Variants in LRRTM3 observed in about 807,000 individuals in gnomAD.
The protein encoded by LRRTM3 is leucine rich repeat transmembrane neuronal 3, also known as leucine-rich repeat transmembrane neuronal protein 3.
Under a neutral mutation model 44.7 loss-of-function variants are expected in LRRTM3, and 24 were observed. The observed-to-expected ratio is 0.54, with a 90% CI of 0.39 to 0.76. The LOEUF is 0.76. LRRTM3 is among the 30% of genes least tolerant of loss of function. LRRTM3 has a pLI of 0.00. For synonymous variants in LRRTM3, 277 were observed against 278.7 expected (o/e 0.99, Z 0.06); for missense variants, 587 against 702.2 (o/e 0.84, Z 1.85).
chr10:67,013,239 TATTA>T (rs1852451327), intron 2 of LRRTM3, among the ~76,000 whole-genome samples: 1 of 151,550 alleles, frequency 6.6e-6, no homozygotes, highest in Admixed American at 6.6e-5. Flanking sequence ...CTTAATACTC[TATTA>T]AGTTGCCTCT....
At chr10:66,970,812 A>G (rs1390581894) in intron 2 of LRRTM3, among the ~76,000 whole-genome samples, 1 of 152,164 alleles carries the variant, frequency 6.6e-6, no homozygotes, top group Non-Finnish European at 1.5e-5. Flanking sequence ...GAGACAGTAT[A>G]TACATGGTAA....
chr10:66,970,513 T>G, intron 2 of LRRTM3, among the ~76,000 whole-genome samples: 1 of 143,116 alleles, frequency 7.0e-6, no homozygotes, highest in South Asian at 2.4e-4. Flanking sequence ...GGGGGGGGGA[T>G]ACAATTCTTC....
rs576115808 is a variant in LRRTM3, at chr10:66,984,306, T to C, written c.1536+55854T>C. ...GTTGATAAACTGGCTAAAGGGAAAC[T>C]AAGAGAATACCAAACATTATTCTTA... On this transcript the variant is annotated intron_variant, in intron 2 of 2. Coordinates refer to ENST00000361320, the MANE Select transcript of LRRTM3 (RefSeq NM_178011.5). Among the ~76,000 whole-genome samples, 49 of 152,288 alleles carry C rather than the reference T, an allele frequency of 3.2e-4. 1 individual carries two copies. In the Middle Eastern group the frequency reaches 0.01, roughly 32 times the overall value.
chr10:66,993,195 C>G (rs1360409311), intron 2 of LRRTM3, among the ~76,000 whole-genome samples: 2 of 152,090 alleles, frequency 1.3e-5, no homozygotes, highest in African/African-American at 4.8e-5. Flanking sequence ...CTTTGTTTTT[C>G]TCCATGTGGG....
intron 2 of LRRTM3, among the ~76,000 whole-genome samples, chr10:67,011,056 G>A (rs112643499): frequency 2.8e-4 from 42 of 152,184 alleles, no homozygotes; most frequent in African/African-American, 4.6e-4. Flanking sequence ...TAGGCCAGGC[G>A]CGGTGGCTCA....
intron 2 of LRRTM3, among the ~76,000 whole-genome samples, chr10:66,956,211 G>C (rs1848784090): frequency 6.6e-6 from 1 of 150,500 alleles, no homozygotes; most frequent in Non-Finnish European, 1.5e-5. Flanking sequence ...AAAGGTGATG[G>C]ATAGGCCAGT....
Position 66,927,486 on chromosome 10 carries a change from T to C in LRRTM3, c.570T>C (p.Tyr190=), listed in dbSNP as rs773247206. The change falls in exon 2 of 3, where the codon TAT becomes TAC. Residue 190 remains tyrosine (Y), a synonymous_variant. Coordinates refer to ENST00000361320, the MANE Select transcript of LRRTM3 (RefSeq NM_178011.5). The surrounding 1 kb of genome is among the most constrained non-coding windows in gnomAD (Gnocchi z 4.7). The stretch of plus-strand genomic sequence containing the variant: ...ACCTGGAACTTTTGGACCTGGGATA[T>C]AACCGGATCCGAAGTTTAGCCAGGA... ...CRNLELLDLG[Y]NRIRSLARNV... 1 of 1,614,116 alleles carries C rather than the reference T, an allele frequency of 6.2e-7. No homozygotes were observed. The highest frequency in any genetic ancestry group is 1.1e-5 in the South Asian group (1 of 91,084).
At chr10:67,020,661 G>A (rs1156547045) in intron 2 of LRRTM3, among the ~76,000 whole-genome samples, 4 of 152,130 alleles carry the variant, frequency 2.6e-5, no homozygotes, top group African/African-American at 9.7e-5. Flanking sequence ...AAATGGAATG[G>A]AAAATTCAGA....
chr10:67,047,601 G>A (rs144461348), intron 2 of LRRTM3, among the ~76,000 whole-genome samples: 196 of 152,094 alleles, frequency 1.3e-3, no homozygotes, highest in Admixed American at 3.1e-3. Context: ...TCAGGCTCTC[G>A]TATAGGCAAT....
Position 66,968,209 on chromosome 10 carries a change from G to A in LRRTM3, c.1536+39757G>A, listed in dbSNP as rs114964239. 1.2e-3 allele frequency among the ~76,000 whole-genome samples: 181 copies of A among 152,084 alleles called. 2 individuals carry two copies. Among genetic ancestry groups the A allele is most frequent in the African/African-American group, 4.0e-3 (164 of 41,498 alleles). On this transcript the variant is annotated intron_variant, in intron 2 of 2. Coordinates refer to ENST00000361320, the MANE Select transcript of LRRTM3 (RefSeq NM_178011.5). ...CTCTACCATCATCAAATAAGAGTAT[G>A]TTGCTGGCTGTGGATTTTGGTATAG... is the stretch of plus-strand genomic sequence containing the variant.
chr10:67,042,187 A>G (rs1854436063), intron 2 of LRRTM3, among the ~76,000 whole-genome samples: 1 of 152,156 alleles, frequency 6.6e-6, no homozygotes, highest in South Asian at 2.1e-4. Flanking sequence ...ACAAACCTGG[A>G]TGTTAGAGGG....
chr10:67,088,058 A>C (rs187413186), intron 2 of LRRTM3, among the ~76,000 whole-genome samples: 1 of 152,084 alleles, frequency 6.6e-6, no homozygotes, highest in East Asian at 1.9e-4. Context: ...TACCATGATA[A>C]TTTAAAGAGA....
chr10:67,003,177 A>G (rs959705108), intron 2 of LRRTM3, among the ~76,000 whole-genome samples: 1 of 152,226 alleles, frequency 6.6e-6, no homozygotes, highest in Non-Finnish European at 1.5e-5. Flanking sequence ...ATGCCTGCTG[A>G]ATCAGACTGC....
At chr10:66,989,610 A>G (rs1451161039) in intron 2 of LRRTM3, among the ~76,000 whole-genome samples, 5 of 152,184 alleles carry the variant, frequency 3.3e-5, no homozygotes, top group African/African-American at 1.2e-4. Context: ...ATGTGTATAT[A>G]TATACATACT....
intron 2 of LRRTM3, among the ~76,000 whole-genome samples, chr10:66,958,089 C>T (rs538650173): frequency 3.2e-4 from 48 of 152,090 alleles, no homozygotes; most frequent in African/African-American, 1.1e-3. Context: ...TCCTTGCTGG[C>T]CTTCAGTACC....
intron 2 of LRRTM3, among the ~76,000 whole-genome samples, chr10:66,944,177 C>G (rs190246310): frequency 2.0e-4 from 30 of 152,326 alleles, no homozygotes; most frequent in African/African-American, 7.0e-4. Flanking sequence ...CTCTCAAACT[C>G]TGCCACTGCT....
chr10:66,951,529 C>A (rs1178989032), intron 2 of LRRTM3, among the ~76,000 whole-genome samples: 1 of 152,090 alleles, frequency 6.6e-6, no homozygotes, highest in Non-Finnish European at 1.5e-5. Flanking sequence ...TACTCATATT[C>A]CGGATAGGGA....
intron 2 of LRRTM3, among the ~76,000 whole-genome samples, chr10:67,022,593 C>G (rs1211902565): frequency 1.3e-5 from 2 of 152,072 alleles, no homozygotes; most frequent in Non-Finnish European, 2.9e-5. Context: ...AGTCAATATA[C>G]AAAGGTAAGT....
intron 2 of LRRTM3, among the ~76,000 whole-genome samples, chr10:66,961,333 C>T (rs1849098559): frequency 6.6e-6 from 1 of 152,152 alleles, no homozygotes; most frequent in Admixed American, 6.5e-5. Flanking sequence ...CATCAATAAA[C>T]TCCACATTGC....
Sources: gnomAD v4.1 joint callset for allele counts (sites outside exome capture counted in the v4.1 genomes callset) on GRCh38, gnomAD v4.1.1 for gene constraint, Gnocchi (gnomAD v3.1) non-coding constraint, MANE v1.5 for transcripts, NCBI Gene and HGNC (gene_info 2026-07-23, HGNC 2026-07-21) for gene names.